Variants in SCFD2 observed in about 807,000 individuals in gnomAD.
SCFD2 encodes the protein sec1 family domain containing 2, also known as sec1 family domain-containing protein 2.
In SCFD2, 54 loss-of-function variants were observed where a neutral mutation model predicts 58.9. The ratio of observed to expected loss-of-function variants is 0.92; its 90% CI spans 0.74 to 1.15. The LOEUF (loss-of-function observed/expected upper bound fraction) is 1.15, where lower values mean the gene tolerates loss of function less well. SCFD2 is among the 50% of genes most tolerant of loss of function. The probability of loss-of-function intolerance (pLI) is 0.00; values close to 1 mark genes in which losing one functional copy is unlikely to be tolerated. For missense variants in SCFD2, 805 were observed against 836.6 expected, an observed-to-expected ratio of 0.96 and a Z score of 0.47; for synonymous variants, 321 against 335.9, an observed-to-expected ratio of 0.96 and a Z score of 0.49.
Position 53,365,114 on chromosome 4 carries a change from C to T in SCFD2, c.828G>A (p.Leu276=). 2 of 1,613,866 alleles carry T rather than the reference C, an allele frequency of 1.2e-6. No homozygotes were observed. The highest frequency in any genetic ancestry group is 1.3e-5 in the African/African-American group (1 of 75,042). ...GAGCAATGCACTTACCTGTGAGATCCAGGGTTCTGTCCACAAAAACCACTG... is the reference window on the plus strand; with the variant it reads ...GAGCAATGCACTTACCTGTGAGATCTAGGGTTCTGTCCACAAAAACCACTG... ...RASVVFVDRT[L]DLTGAVGHHG... The change falls in exon 1 of 9, where the codon CTG becomes CTA. Residue 276 remains leucine (L), a synonymous_variant. Transcript: ENST00000401642. The surrounding 1 kb of genome is among the most constrained non-coding windows in gnomAD (Gnocchi z 4.3).
intron 3 of SCFD2, among the ~76,000 whole-genome samples, chr4:53,296,520 T>C (rs1732039221): frequency 6.6e-6 from 1 of 152,204 alleles, no homozygotes; most frequent in African/African-American, 2.4e-5. Flanking sequence ...TATTTGATTC[T>C]TCTCTCTTTT....
intron 5 of SCFD2, among the ~76,000 whole-genome samples, chr4:53,029,477 G>A (rs1395210132): frequency 6.6e-6 from 1 of 152,122 alleles, no homozygotes; most frequent in Non-Finnish European, 1.5e-5. Context: ...CCACCTTGAA[G>A]ACCTGTGCCT....
In SCFD2 at chr4:53,365,790, C is replaced by A. The variant is rs1421534466; in HGVS notation, c.152G>T (p.Gly51Val). ...GSTRLLEAVG[G>V]PDCHLREFEP... is the part of the protein sequence containing the mutation. The stretch of plus-strand genomic sequence containing the variant: ...GAACTCTCGCAGGTGACAGTCAGGA[C>A]CCCCCACCGCCTCCAGGAGACGGGT... Residue 51 changes from glycine to valine, a missense_variant, in exon 1 of 9, where the codon GGT (glycine) becomes GTT (valine). Physicochemically the swap from Gly to Val is moderately radical, Grantham distance 109. Around this residue, in one of 3 missense-constraint regions of SCFD2, gnomAD observed 155 missense variants for 149.7 expected, o/e 1.04. Transcript: ENST00000401642. This position sits in a 1 kb window ranked among gnomAD's most constrained non-coding sequence, Gnocchi z 4.3. 6.2e-7 allele frequency: 1 copy of A among 1,613,576 alleles called. No homozygotes were observed. Among genetic ancestry groups the A allele is most frequent in the East Asian group, 2.2e-5 (1 of 44,880 alleles).
intron 4 of SCFD2, among the ~76,000 whole-genome samples, chr4:53,233,660 G>T (rs1729508122): frequency 6.6e-6 from 1 of 152,104 alleles, no homozygotes; most frequent in Admixed American, 6.6e-5. Flanking sequence ...TCCAAATCTG[G>T]CCATATGCCT....
At chr4:53,302,729 C>G (rs1732357336) in intron 3 of SCFD2, among the ~76,000 whole-genome samples, 1 of 152,180 alleles carries the variant, frequency 6.6e-6, no homozygotes, top group South Asian at 2.1e-4. Flanking sequence ...ACCAAAACAG[C>G]ACGGTACTGG....
chr4:53,225,056 A>G (rs1417476523), intron 4 of SCFD2, among the ~76,000 whole-genome samples: 2 of 152,170 alleles, frequency 1.3e-5, no homozygotes, highest in Admixed American at 6.5e-5. Context: ...GGTTGTTCCT[A>G]ATTTGTCATT....
chr4:53,060,457 A>C (rs1303568375), intron 5 of SCFD2, among the ~76,000 whole-genome samples: 1 of 152,192 alleles, frequency 6.6e-6, no homozygotes, highest in Non-Finnish European at 1.5e-5. Flanking sequence ...CATGAAACTT[A>C]GATCTCTGTA....
At chr4:53,128,552 A>T (rs935519827) in intron 5 of SCFD2, among the ~76,000 whole-genome samples, 7 of 152,082 alleles carry the variant, frequency 4.6e-5, no homozygotes, top group South Asian at 2.1e-4. Flanking sequence ...ATGTTTTCTG[A>T]TTTCTCTCGG....
intron 5 of SCFD2, among the ~76,000 whole-genome samples, chr4:53,061,940 G>A (rs576872694): frequency 5.3e-5 from 8 of 152,208 alleles, no homozygotes; most frequent in African/African-American, 1.9e-4. Context: ...CAGAGGGTGA[G>A]AGAGCTAGCT....
intron 5 of SCFD2, among the ~76,000 whole-genome samples, chr4:52,923,377 C>T (rs919846320): frequency 1.4e-4 from 22 of 152,072 alleles, no homozygotes; most frequent in African/African-American, 4.6e-4. Context: ...ACTTGGGAGG[C>T]TGAGGAATGA....
At chr4:53,291,080 T>C (rs1439792214) in intron 3 of SCFD2, among the ~76,000 whole-genome samples, 2 of 152,130 alleles carry the variant, frequency 1.3e-5, no homozygotes, top group Non-Finnish European at 2.9e-5. Context: ...AAGGGAATAC[T>C]TCCCAACATA....
Position 53,226,061 on chromosome 4 carries a change from C to T in SCFD2, c.1311+47765G>A, listed in dbSNP as rs528178802. On this transcript the variant is annotated intron_variant, in intron 4 of 8. Coordinates refer to ENST00000401642, the MANE Select transcript of SCFD2 (RefSeq NM_152540.4). Reference sequence around the variant, plus strand: ...AAGAGATCATCCTGCCTTGGCCTCCCGAAGTGCTGGGATTACAGATATGAG... The same window carrying T: ...AAGAGATCATCCTGCCTTGGCCTCCTGAAGTGCTGGGATTACAGATATGAG... Among the ~76,000 whole-genome samples, 8 of 152,172 alleles carry T rather than the reference C, an allele frequency of 5.3e-5. No individual in the cohort carries two copies. In the East Asian group the frequency reaches 9.6e-4, roughly 18 times the overall value.
chr4:53,293,974 T>C (rs1489328166), intron 3 of SCFD2, among the ~76,000 whole-genome samples: 2 of 148,910 alleles, frequency 1.3e-5, no homozygotes, highest in African/African-American at 2.5e-5. Context: ...ACTGAGAACA[T>C]GCAATGTTTG....
intron 3 of SCFD2, among the ~76,000 whole-genome samples, chr4:53,286,062 C>G (rs1731656494): frequency 6.6e-6 from 1 of 152,130 alleles, no homozygotes; most frequent in East Asian, 1.9e-4. Flanking sequence ...CCCTGAGGCT[C>G]TGCCATTGTT....
intron 5 of SCFD2, among the ~76,000 whole-genome samples, chr4:53,118,808 A>G (rs1359395373): frequency 2.6e-5 from 4 of 152,146 alleles, no homozygotes; most frequent in African/African-American, 9.7e-5. Flanking sequence ...GCCACACTAT[A>G]TCTATTCCCT....
chr4:53,121,442 G>A (rs1190493976), intron 5 of SCFD2, among the ~76,000 whole-genome samples: 2 of 152,172 alleles, frequency 1.3e-5, no homozygotes, highest in Non-Finnish European at 2.9e-5. Flanking sequence ...CCAAATGAAA[G>A]TTATCACAAA....
intron 4 of SCFD2, among the ~76,000 whole-genome samples, chr4:53,228,977 C>T (rs1041697947): frequency 5.3e-5 from 8 of 152,166 alleles, no homozygotes; most frequent in African/African-American, 1.7e-4. Context: ...ACACCAATAA[C>T]AGACAAACAG....
At chr4:53,242,451 C>T (rs759994694) in intron 4 of SCFD2, among the ~76,000 whole-genome samples, 1 of 127,652 alleles carries the variant, frequency 7.8e-6, no homozygotes, top group Admixed American at 8.9e-5. Context: ...CCCAAGGTCA[C>T]CAAATAGGAT....
chr4:53,132,022 A>T (rs900944129), intron 5 of SCFD2, among the ~76,000 whole-genome samples: 2 of 152,250 alleles, frequency 1.3e-5, no homozygotes, highest in South Asian at 2.1e-4. Context: ...TAGTAGAAGA[A>T]GATTCATTCC....
Sources: gnomAD v4.1 joint callset for allele counts (sites outside exome capture counted in the v4.1 genomes callset) on GRCh38, gnomAD v4.1.1 for gene constraint, gnomAD v4.1.1 regional missense constraint, Gnocchi (gnomAD v3.1) non-coding constraint, MANE v1.5 for transcripts, NCBI Gene and HGNC (gene_info 2026-07-23, HGNC 2026-07-21) for gene names.